Variants in FOCAD observed in about 807,000 individuals in gnomAD.
The protein encoded by FOCAD is KIAA1797.
In FOCAD, 198 loss-of-function variants were observed where a neutral mutation model predicts 225.6. The observed-to-expected ratio is 0.88, with a 90% CI of 0.78 to 0.99. The LOEUF is 0.99. FOCAD is among the 50% of genes least tolerant of loss of function. The pLI, the probability that FOCAD is intolerant of heterozygous loss-of-function variation, is 0.00. For missense variants in FOCAD, 2,713 were observed against 2,123.6 expected, an observed-to-expected ratio of 1.28 and a Z score of -5.46; for synonymous variants, 897 against 755.0, an observed-to-expected ratio of 1.19 and a Z score of -3.08.
At chr9:20,682,059 T>C (rs755010016), upstream of FOCAD, among the ~76,000 whole-genome samples, 2 of 152,190 alleles carry the variant, frequency 1.3e-5, no homozygotes, top group African/African-American at 2.4e-5. Flanking sequence ...CGTGCCCTTA[T>C]AAAAGACGCT....
At chr9:20,658,071 C>A (rs948331323), upstream of FOCAD, among the ~76,000 whole-genome samples, 17 of 148,652 alleles carry the variant, frequency 1.1e-4, 1 homozygote, top group South Asian at 1.3e-3. Context: ...CTGGGGGGTG[C>A]CTCCCAGTTA....
intron 23 of FOCAD, among the ~76,000 whole-genome samples, chr9:20,915,654 G>A (rs1564146434): frequency 6.6e-6 from 1 of 152,140 alleles, no homozygotes; most frequent in Non-Finnish European, 1.5e-5. Flanking sequence ...AAGTTTTGAC[G>A]TATAACAGAC....
rs770332248 is a variant in FOCAD, at chr9:20,978,497, T to G, written c.4377+43T>G. ...GTGTTGGCCAACAGGAGGATATTGT[T>G]CTTTAGGAGGATATTAACATTCATT... On this transcript the variant is annotated intron_variant, in intron 37 of 43. Coordinates refer to ENST00000338382, the MANE Select transcript of FOCAD (RefSeq NM_001375567.1). 2.3e-6 allele frequency: 3 copies of G among 1,302,836 alleles called. No homozygotes were observed. The South Asian group carries it at 4.0e-5, about 17-fold the overall frequency. 80.7% of individuals were successfully genotyped at this position (1,302,836 alleles called of 1,614,324 possible).
chr9:20,779,972 C>T (rs552503313), intron 9 of FOCAD, among the ~76,000 whole-genome samples: 7 of 152,210 alleles, frequency 4.6e-5, no homozygotes, highest in East Asian at 1.9e-4. Context: ...CAGTCTGATC[C>T]GGTTTTTGCC....
At chr9:20,752,166 G>T (rs1828619486) in intron 5 of FOCAD, among the ~76,000 whole-genome samples, 1 of 151,394 alleles carries the variant, frequency 6.6e-6, no homozygotes, top group Non-Finnish European at 1.5e-5. Flanking sequence ...AGTTTAATTA[G>T]ATCCCATTTG....
rs1226417566 is a variant in FOCAD at position 20,923,661 on chromosome 9, G to T, written c.2854G>T (p.Glu952Ter). 2 of 1,613,442 alleles carry T rather than the reference G, an allele frequency of 1.2e-6. No individual in the cohort carries two copies. Among genetic ancestry groups the T allele is most frequent in the Non-Finnish European group, 1.7e-6 (2 of 1,179,530 alleles). The change falls in exon 25 of 44, where the codon GAG (glutamate) becomes TAG (stop). Residue 952 changes from glutamate to a stop codon, truncating the protein, a stop_gained and splice_region_variant. Transcript: ENST00000338382. LOFTEE classifies it high-confidence loss of function. ...TGAAATTTTTTTCCTTTTGAACAGG[G>T]AGAGTCCGGTAGTGAAAGGCAATGC... ...TDEITKAAAK[E>*]SPVVKGNALL...
intron 35 of FOCAD, among the ~76,000 whole-genome samples, chr9:20,965,421 T>C (rs1038946501): frequency 2.6e-5 from 4 of 152,160 alleles, no homozygotes; most frequent in African/African-American, 9.7e-5. Flanking sequence ...GCGCCAAGAC[T>C]GTATCTCTCT....
intron 2 of FOCAD, among the ~76,000 whole-genome samples, chr9:20,671,755 A>C (rs1822070519): frequency 6.6e-6 from 1 of 152,228 alleles, no homozygotes. Flanking sequence ...TCCCTAATAC[A>C]GTCACCTTTG....
chr9:20,959,853 A>G (rs1751108867), intron 35 of FOCAD, among the ~76,000 whole-genome samples: 3 of 152,176 alleles, frequency 2.0e-5, no homozygotes, highest in Admixed American at 2.0e-4. Context: ...AGATATATAG[A>G]TTAATTTCTG....
intron 2 of FOCAD, among the ~76,000 whole-genome samples, chr9:20,664,150 G>A (rs1821826425): frequency 1.3e-5 from 2 of 151,574 alleles, no homozygotes; most frequent in Admixed American, 6.6e-5. Context: ...AATTTTAAAA[G>A]TTCTATATTT....
At chr9:20,775,281 C>T (rs1359797626) in intron 8 of FOCAD, among the ~76,000 whole-genome samples, 2 of 152,210 alleles carry the variant, frequency 1.3e-5, no homozygotes, top group South Asian at 2.1e-4. Flanking sequence ...AACAGATGTA[C>T]CCTGACCAGC....
At chr9:20,973,234 A>G (rs906562744) in intron 35 of FOCAD, among the ~76,000 whole-genome samples, 2 of 145,892 alleles carry the variant, frequency 1.4e-5, no homozygotes, top group Admixed American at 1.4e-4. Flanking sequence ...GCATCTGCTG[A>G]TGTGGCCTCT....
chr9:20,715,849 A>C (rs937293591), intron 2 of FOCAD, among the ~76,000 whole-genome samples: 10 of 152,212 alleles, frequency 6.6e-5, no homozygotes, highest in African/African-American at 2.4e-4. Flanking sequence ...AGAAAATTTG[A>C]TATATCTACT....
Position 20,988,377 on chromosome 9 carries a change from T to C in FOCAD, c.4952T>C (p.Ile1651Thr). 1.9e-6 allele frequency: 3 copies of C among 1,612,304 alleles called. No individual in the cohort carries two copies. The highest frequency in any genetic ancestry group is 2.5e-6 in the Non-Finnish European group (3 of 1,179,058). ...TGGCTCTTGGAACTGATGGGTTATA[T>C]TAGAAATGTTGCTTACCAGTCAACA... ...MEWLLELMGY[I>T]RNVAYQSTSF... The change falls in exon 41 of 44, where the codon ATT (isoleucine) becomes ACT (threonine). Residue 1651 changes from isoleucine to threonine, a missense_variant. Transcript: ENST00000338382.
chr9:20,791,221 A>G (rs1563994990), intron 11 of FOCAD, among the ~76,000 whole-genome samples: 1 of 96,482 alleles, frequency 1.0e-5, no homozygotes, highest in Non-Finnish European at 2.2e-5. Flanking sequence ...ATATGCATGC[A>G]CACACACACA....
At chr9:20,881,797 G>T in intron 19 of FOCAD, 74 bp from the exon 20 acceptor site, 2 of 1,444,970 alleles carry the variant, frequency 1.4e-6, no homozygotes, top group Non-Finnish European at 1.9e-6. Flanking sequence ...GTTTGTATAT[G>T]AGTTAAGAAC....
intron 38 of FOCAD, 121 bp from the exon 39 acceptor site, chr9:20,982,236 T>A: frequency 1.7e-6 from 1 of 603,430 alleles, no homozygotes. Flanking sequence ...TTTGGTTTGG[T>A]TAAAATTAAA....
intron 35 of FOCAD, among the ~76,000 whole-genome samples, chr9:20,954,534 C>G (rs1197969308): frequency 6.6e-6 from 1 of 152,114 alleles, no homozygotes; most frequent in East Asian, 1.9e-4. Context: ...TATTTCTTGG[C>G]AGACATGAAT....
At chr9:20,694,875 A>C (rs1404408485) in intron 1 of FOCAD, among the ~76,000 whole-genome samples, 1 of 152,220 alleles carries the variant, frequency 6.6e-6, no homozygotes, top group Non-Finnish European at 1.5e-5. Context: ...CATATTTCAG[A>C]ATTTCTCAGT....
Sources: allele counts gnomAD v4.1 joint callset (sites outside exome capture counted in the v4.1 genomes callset), GRCh38; gene constraint gnomAD v4.1.1; transcripts MANE v1.5; gene names NCBI Gene and HGNC (gene_info 2026-07-23, HGNC 2026-07-21).